SPIRE1: variants seen among roughly 807,000 people sequenced by gnomAD.
SPIRE1 encodes the protein spire type actin nucleation factor 1, also known as protein spire homolog 1.
Under a neutral mutation model 94.1 loss-of-function variants are expected in SPIRE1, and 40 were observed. The observed-to-expected ratio is 0.43, with a 90% confidence interval of 0.33 to 0.55. The LOEUF is 0.55. Ranked by LOEUF, SPIRE1 falls within the 20% of genes least tolerant of loss-of-function variation. SPIRE1 has a pLI of 0.06. For missense variants in SPIRE1, 838 were observed against 975.2 expected, an observed-to-expected ratio of 0.86 and a Z score of 1.87; for synonymous variants, 376 against 371.7, an observed-to-expected ratio of 1.01 and a Z score of -0.13.
intron 2 of SPIRE1, among the ~76,000 whole-genome samples, chr18:12,607,074 G>A (rs1185284341): frequency 2.0e-5 from 3 of 152,156 alleles, no homozygotes; most frequent in Non-Finnish European, 4.4e-5. Flanking sequence ...TTGTTTAACT[G>A]TGACTCACAG....
upstream of SPIRE1, among the ~76,000 whole-genome samples, chr18:12,659,708 T>TC (rs2038655708): frequency 2.6e-5 from 4 of 151,368 alleles, no homozygotes; most frequent in South Asian, 8.4e-4. Flanking sequence ...AGAAGAAAGC[T>TC]CCCCAGGCAA....
At chr18:12,535,026 TG>T (rs1456778836) in intron 4 of SPIRE1, among the ~76,000 whole-genome samples, 1 of 152,238 alleles carries the variant, frequency 6.6e-6, no homozygotes, top group African/African-American at 2.4e-5. Context: ...ATGTAACACA[TG>T]GTGACTCACC....
intron 12 of SPIRE1, among the ~76,000 whole-genome samples, chr18:12,457,649 G>A (rs1429023030): frequency 1.3e-5 from 2 of 151,820 alleles, no homozygotes; most frequent in Non-Finnish European, 2.9e-5. Context: ...AGACAACAAT[G>A]TGCTATAAGA....
intron 4 of SPIRE1, among the ~76,000 whole-genome samples, chr18:12,523,616 A>G (rs1213616868): frequency 6.6e-6 from 1 of 152,254 alleles, no homozygotes; most frequent in Non-Finnish European, 1.5e-5. Context: ...ACACTTCACC[A>G]GCAAAAAGAT....
At position 12,521,444 on chromosome 18, in the gene SPIRE1, G is replaced by A. The variant is rs140617597; in HGVS notation, c.730-8913C>T. On this transcript the variant is annotated intron_variant, in intron 4 of 16. Transcript: ENST00000409402. ...TGCCTCCCAGGTTCAAGGGATCCTCGTGCCTCAGCCTCCCGAGTAGCTGGG... is the reference window on the plus strand; with the variant it reads ...TGCCTCCCAGGTTCAAGGGATCCTCATGCCTCAGCCTCCCGAGTAGCTGGG... Among the ~76,000 whole-genome samples the A allele has an allele frequency of 3.3e-3, 499 of 151,568 alleles. 2 individuals are homozygous for A. The highest frequency in any genetic ancestry group is 0.011 in the African/African-American group (472 of 41,324).
At chr18:12,494,537 G>GA (rs1177418014) in intron 7 of SPIRE1, among the ~76,000 whole-genome samples, 1 of 151,806 alleles carries the variant, frequency 6.6e-6, no homozygotes, top group Non-Finnish European at 1.5e-5. Flanking sequence ...AAAGCTCAGA[G>GA]AAAAAACCTC....
At chr18:12,626,981 A>C (rs1039053173) in intron 2 of SPIRE1, among the ~76,000 whole-genome samples, 13 of 151,090 alleles carry the variant, frequency 8.6e-5, no homozygotes, top group Non-Finnish European at 1.8e-4. Flanking sequence ...AAACAAAACA[A>C]AATTTTTTGA....
intron 2 of SPIRE1, among the ~76,000 whole-genome samples, chr18:12,607,480 T>A (rs1598523229): frequency 6.6e-6 from 1 of 152,222 alleles, no homozygotes; most frequent in South Asian, 2.1e-4. Context: ...CTTACAGTCA[T>A]GGGACTGGGT....
At chr18:12,450,907 G>A in intron 16 of SPIRE1, 1 of 702,036 alleles carries the variant, frequency 1.4e-6, no homozygotes, top group African/African-American at 1.8e-5. Flanking sequence ...AGTATGAGAA[G>A]GATGTTTCTG....
intron 10 of SPIRE1, among the ~76,000 whole-genome samples, chr18:12,478,937 G>T (rs183632652): frequency 6.6e-6 from 1 of 151,536 alleles, no homozygotes; most frequent in African/African-American, 2.4e-5. Context: ...TTTGTCTGTT[G>T]GTATTACTAT....
Position 12,454,313 on chromosome 18 carries a change from C to T in SPIRE1, c.1776+33G>A, listed in dbSNP as rs539889403. On this transcript the variant is annotated intron_variant, in intron 13 of 16. Coordinates refer to ENST00000409402, the MANE Select transcript of SPIRE1 (RefSeq NM_001128626.2). Reference sequence around the variant, plus strand: ...ATGCATGGGACTGGCCATCCTTCTACTCTTCTGATCAATCAACTTTAAACA... The same window carrying T: ...ATGCATGGGACTGGCCATCCTTCTATTCTTCTGATCAATCAACTTTAAACA... The T allele has an allele frequency of 4.2e-5, 68 of 1,612,504 alleles. No individual in the cohort carries two copies. The Admixed American group carries it at 7.0e-4, about 17-fold the overall frequency.
At chr18:12,551,221 T>C (rs1166179764) in intron 2 of SPIRE1, among the ~76,000 whole-genome samples, 2 of 152,170 alleles carry the variant, frequency 1.3e-5, no homozygotes, top group East Asian at 1.9e-4. Flanking sequence ...TTGTTCACCA[T>C]TGTGAACAAA....
At chr18:12,451,508 G>A (rs998256796) in intron 16 of SPIRE1, among the ~76,000 whole-genome samples, 2 of 152,210 alleles carry the variant, frequency 1.3e-5, no homozygotes, top group Non-Finnish European at 2.9e-5. Flanking sequence ...CAGCTGTTAT[G>A]TGCACTGCCT....
intron 5 of SPIRE1, among the ~76,000 whole-genome samples, chr18:12,510,208 GGAGGGA>G (rs780082758): frequency 3.9e-5 from 6 of 152,070 alleles, no homozygotes; most frequent in Non-Finnish European, 8.8e-5. Context: ...AAACTGGGGA[GGAGGGA>G]GGCAGGAGGT....
intron 1 of SPIRE1, among the ~76,000 whole-genome samples, chr18:12,655,711 A>T (rs1382288158): frequency 6.6e-6 from 1 of 152,092 alleles, no homozygotes; most frequent in Admixed American, 6.6e-5. Flanking sequence ...AAAAGAAAAA[A>T]CCCATCCACG....
chr18:12,476,588 T>TATAC (rs1238183759), intron 10 of SPIRE1, among the ~76,000 whole-genome samples: 12 of 104,390 alleles, frequency 1.1e-4, no homozygotes, highest in South Asian at 3.3e-4. Context: ...TATATATATA[T>TATAC]ACACACACAC....
At chr18:12,655,723 G>A (rs1290930837) in intron 1 of SPIRE1, among the ~76,000 whole-genome samples, 1 of 151,960 alleles carries the variant, frequency 6.6e-6, no homozygotes, top group Non-Finnish European at 1.5e-5. Flanking sequence ...CCATCCACGA[G>A]AATCTATCAA....
intron 1 of SPIRE1, among the ~76,000 whole-genome samples, chr18:12,655,584 C>G (rs34180475): frequency 0.072 from 10,925 of 152,162 alleles, 556 homozygotes; most frequent in Non-Finnish European, 0.1. Context: ...TTGTGGAGAA[C>G]AACTCCACTC....
At chr18:12,621,610 G>A (rs1307637411) in intron 2 of SPIRE1, among the ~76,000 whole-genome samples, 4 of 152,188 alleles carry the variant, frequency 2.6e-5, no homozygotes, top group African/African-American at 9.6e-5. Flanking sequence ...AAAGAAGCCA[G>A]TCCTAAAATA....
Sources: allele counts gnomAD v4.1 joint callset (sites outside exome capture counted in the v4.1 genomes callset), GRCh38; gene constraint gnomAD v4.1.1; transcripts MANE v1.5; gene names NCBI Gene and HGNC (gene_info 2026-07-23, HGNC 2026-07-21).